The following ARHGEF28 variants were observed in gnomAD, a reference collection of about 807,000 sequenced individuals.
ARHGEF28 encodes the protein 190 kDa guanine nucleotide exchange factor.
ARHGEF28 carries 152 observed loss-of-function variants against 206.6 expected under a neutral mutation model. The observed-to-expected ratio is 0.74, with a 90% CI of 0.64 to 0.84. The LOEUF (loss-of-function observed/expected upper bound fraction) is 0.84. Among genes scored for constraint, ARHGEF28 ranks in the 40% least tolerant of loss-of-function variants. ARHGEF28 has a pLI of 0.00. For synonymous variants in ARHGEF28, 763 were observed against 776.4 expected (o/e 0.98, Z 0.29); for missense variants, 2,028 against 2,073.2 (o/e 0.98, Z 0.42).
rs549610113 is a variant in ARHGEF28 at position 73,752,859 on chromosome 5, G to C, written c.182-50G>C. 5.9e-5 allele frequency: 95 copies of C among 1,601,116 alleles called. 2 individuals carry two copies. The South Asian group carries it at 1.1e-3, about 18-fold the overall frequency. The stretch of plus-strand genomic sequence containing the variant: ...GGGCTAGCACATTGGACCCCTGTGA[G>C]AGCATCTCCTACAGACTTGGGGTGA... On this transcript the variant is annotated intron_variant, in intron 3 of 35. Coordinates refer to ENST00000513042, the MANE Select transcript of ARHGEF28 (RefSeq NM_001177693.2).
chr5:73,783,611 T>G (rs901417180), intron 7 of ARHGEF28, among the ~76,000 whole-genome samples: 25 of 152,234 alleles, frequency 1.6e-4, no homozygotes, highest in African/African-American at 6.0e-4. Context: ...GAAGAGAATC[T>G]GCCCTACAGC....
At chr5:73,683,819 C>T (rs1442106256) in intron 1 of ARHGEF28, among the ~76,000 whole-genome samples, 1 of 152,148 alleles carries the variant, frequency 6.6e-6, no homozygotes, top group Non-Finnish European at 1.5e-5. Context: ...TTTGGAATCA[C>T]CTGGAGCCAA....
intron 35 of ARHGEF28, among the ~76,000 whole-genome samples, chr5:73,938,202 C>CACAAA (rs1561211245): frequency 2.0e-5 from 1 of 49,058 alleles, no homozygotes; most frequent in Non-Finnish European, 5.7e-5. Context: ...ACACACACAA[C>CACAAA]TCCCCATCCC....
At chr5:73,684,587 C>A (rs1318298965) in intron 1 of ARHGEF28, among the ~76,000 whole-genome samples, 1 of 152,208 alleles carries the variant, frequency 6.6e-6, no homozygotes, top group South Asian at 2.1e-4. Flanking sequence ...TGGGTATATA[C>A]CTGGAAGTAG....
intron 7 of ARHGEF28, among the ~76,000 whole-genome samples, chr5:73,789,083 C>T (rs1192053007): frequency 6.6e-6 from 1 of 152,004 alleles, no homozygotes; most frequent in African/African-American, 2.4e-5. Context: ...TTCATTGCAG[C>T]ATTATTAATA....
At chr5:73,679,327 G>T (rs569133207) in intron 1 of ARHGEF28, among the ~76,000 whole-genome samples, 85 of 152,314 alleles carry the variant, frequency 5.6e-4, no homozygotes, top group African/African-American at 2.0e-3. Context: ...GGCACTTTGG[G>T]AGGCCAAGGC....
At chr5:73,813,394 T>G in intron 9 of ARHGEF28, 1 of 1,139,376 alleles carries the variant, frequency 8.8e-7, no homozygotes, top group Non-Finnish European at 1.2e-6. Context: ...AGCCTCCTTG[T>G]CGGTCTACAC....
chr5:73,768,115 A>G (rs1353685944), intron 4 of ARHGEF28, among the ~76,000 whole-genome samples: 1 of 152,222 alleles, frequency 6.6e-6, no homozygotes, highest in Admixed American at 6.5e-5. Flanking sequence ...AATGTATGGA[A>G]ATGCCTGTAT....
intron 4 of ARHGEF28, among the ~76,000 whole-genome samples, chr5:73,754,953 A>G (rs1265857892): frequency 6.6e-6 from 1 of 151,630 alleles, no homozygotes; most frequent in Non-Finnish European, 1.5e-5. Flanking sequence ...GCTTGTCTCA[A>G]ACACCTGGCC....
At chr5:73,838,623 A>T (rs1015647029) in intron 10 of ARHGEF28, among the ~76,000 whole-genome samples, 2 of 152,226 alleles carry the variant, frequency 1.3e-5, no homozygotes, top group African/African-American at 4.8e-5. Context: ...TTACATTGTC[A>T]TTCCCTGAGT....
intron 1 of ARHGEF28, among the ~76,000 whole-genome samples, chr5:73,633,447 C>T (rs1311566040): frequency 1.3e-5 from 2 of 151,944 alleles, no homozygotes; most frequent in African/African-American, 4.8e-5. Flanking sequence ...GTCACCTAAA[C>T]TTTTAGCCTC....
intron 1 of ARHGEF28, among the ~76,000 whole-genome samples, chr5:73,652,021 A>C (rs1744868125): frequency 6.6e-6 from 1 of 152,200 alleles, no homozygotes; most frequent in South Asian, 2.1e-4. Flanking sequence ...TCAAGTGCAG[A>C]GTAAGTGCTT....
intron 22 of ARHGEF28, among the ~76,000 whole-genome samples, chr5:73,873,782 A>T (rs1041992670): frequency 1.3e-5 from 2 of 152,190 alleles, no homozygotes; most frequent in African/African-American, 4.8e-5. Context: ...TTGTTGAAGG[A>T]TATCTTCTTG....
At chr5:73,940,419 C>T (rs1365357798) in intron 35 of ARHGEF28, among the ~76,000 whole-genome samples, 4 of 152,118 alleles carry the variant, frequency 2.6e-5, no homozygotes, top group Admixed American at 2.6e-4. Context: ...CAGTAAAGTG[C>T]CAAATATGTT....
intron 9 of ARHGEF28, chr5:73,827,868 A>T (rs1477265161): frequency 2.0e-5 from 3 of 152,228 alleles, no homozygotes; most frequent in Non-Finnish European, 4.4e-5. Context: ...AATTATTTCT[A>T]TATGCTCATT....
chr5:73,690,526 A>C (rs1180933444), intron 2 of ARHGEF28, among the ~76,000 whole-genome samples: 1 of 113,334 alleles, frequency 8.8e-6, no homozygotes, highest in African/African-American at 6.0e-5. Flanking sequence ...CTGTCTTTAC[A>C]AAAAAAAAAA....
intron 9 of ARHGEF28, among the ~76,000 whole-genome samples, chr5:73,810,099 A>G (rs753860858): frequency 9.9e-5 from 15 of 152,216 alleles, no homozygotes; most frequent in Non-Finnish European, 1.9e-4. Flanking sequence ...CAAGGAGGTA[A>G]GCTGGCCTAA....
chr5:73,808,292 C>T (rs553144409), intron 9 of ARHGEF28, among the ~76,000 whole-genome samples: 20 of 152,206 alleles, frequency 1.3e-4, no homozygotes, highest in Admixed American at 3.3e-4. Flanking sequence ...ATTCACACCT[C>T]GGGGTGGCTG....
At chr5:73,864,132 G>A (rs1349000110) in intron 16 of ARHGEF28, among the ~76,000 whole-genome samples, 1 of 152,150 alleles carries the variant, frequency 6.6e-6, no homozygotes, top group Non-Finnish European at 1.5e-5. Context: ...CAACAGCTTG[G>A]CAGCAACCAG....
Sources: allele counts gnomAD v4.1 joint callset (sites outside exome capture counted in the v4.1 genomes callset), GRCh38; gene constraint gnomAD v4.1.1; transcripts MANE v1.5; gene names NCBI Gene and HGNC (gene_info 2026-07-23, HGNC 2026-07-21).